SLC3A2: variants seen among roughly 807,000 people sequenced by gnomAD.
SLC3A2 encodes solute carrier family 3 member 2.
Under a neutral mutation model 48.5 loss-of-function variants are expected in SLC3A2, and 32 were observed. The ratio of observed to expected loss-of-function variants is 0.66; its 90% confidence interval spans 0.50 to 0.89. The LOEUF (loss-of-function observed/expected upper bound fraction) is 0.89. SLC3A2 is among the 40% of genes least tolerant of loss of function. SLC3A2 has a pLI of 0.00. For missense variants in SLC3A2, 587 were observed against 680.7 expected, an observed-to-expected ratio of 0.86 and a Z score of 1.53; for synonymous variants, 277 against 288.8, an observed-to-expected ratio of 0.96 and a Z score of 0.41.
chr11:62,878,472 T>TC (rs2085592439), upstream of SLC3A2, among the ~76,000 whole-genome samples: 1 of 151,556 alleles, frequency 6.6e-6, no homozygotes. Flanking sequence ...GATGATAATT[T>TC]TTTTTTTTTT....
At chr11:62,868,527 G>T (rs1266333984) in intron 1 of SLC3A2, among the ~76,000 whole-genome samples, 1 of 151,614 alleles carries the variant, frequency 6.6e-6, no homozygotes, top group East Asian at 2.0e-4. Flanking sequence ...CACCACGCCT[G>T]GCTAATTTTT....
intron 2 of SLC3A2, 181 bp from the exon 3 acceptor site, chr11:62,882,727 A>G (rs2085658608): frequency 1.7e-6 from 1 of 597,450 alleles, no homozygotes; most frequent in Non-Finnish European, 3.0e-6. Flanking sequence ...CTGCCTTCCC[A>G]TATCTTAAGG....
At chr11:62,863,732 A>C (rs1429304990) in intron 1 of SLC3A2, among the ~76,000 whole-genome samples, 2 of 152,224 alleles carry the variant, frequency 1.3e-5, no homozygotes, top group Non-Finnish European at 1.5e-5. Flanking sequence ...AGGTCTGACA[A>C]GACCCAATTC....
chr11:62,885,309 A>C lies in SLC3A2; in HGVS notation c.951A>C (p.Leu317=). 1 of 1,614,176 alleles carries C rather than the reference A, an allele frequency of 6.2e-7. No individual in the cohort carries two copies. The highest frequency in any genetic ancestry group is 2.2e-5 in the East Asian group (1 of 44,890). ...SGSTGEHTKS[L]VTQYLNATGN... ...CTACTGGGGAGCATACAAAATCCCT[A>C]GTCACACAGTATTTGAATGCCACTG... is the stretch of plus-strand genomic sequence containing the variant. The change falls in exon 6 of 9, where the codon CTA becomes CTC. Residue 317 remains leucine (L), a synonymous_variant. Transcript: ENST00000338663.
At position 62,881,118 on chromosome 11, in the gene SLC3A2, T is replaced by C. The variant is rs2085629407; in HGVS notation, c.95T>C (p.Met32Thr). Residue 32 changes from methionine to threonine, a missense_variant, in exon 1 of 9, where the codon ATG becomes ACG. By Grantham distance (81) the Met-to-Thr change is moderately conservative. Coordinates refer to ENST00000338663, the MANE Select transcript of SLC3A2 (RefSeq NM_001013251.3). The surrounding 1 kb of genome is among the most constrained non-coding windows in gnomAD (Gnocchi z 4.0). Reference sequence around the variant, plus strand: ...ATGAACGCGGCGTCTGGGGCGGCCATGTCCCTGGCGGGAGCCGAGAAGAAT... The same window carrying C: ...ATGAACGCGGCGTCTGGGGCGGCCACGTCCCTGGCGGGAGCCGAGAAGAAT... ...QPMNAASGAA[M>T]SLAGAEKNGL... is the part of the protein sequence containing the mutation. The C allele has an allele frequency of 6.2e-7, 1 of 1,608,178 alleles. No homozygotes were observed. Among genetic ancestry groups the C allele is most frequent in the Non-Finnish European group, 8.5e-7 (1 of 1,178,024 alleles).
At chr11:62,874,549 T>C (rs1370593117) in intron 1 of SLC3A2, among the ~76,000 whole-genome samples, 3 of 152,156 alleles carry the variant, frequency 2.0e-5, no homozygotes, top group African/African-American at 7.2e-5. Context: ...CCACTTTGCA[T>C]TCTTCACCCT....
At chr11:62,875,498 T>C (rs1197509346) in intron 1 of SLC3A2, among the ~76,000 whole-genome samples, 1 of 152,184 alleles carries the variant, frequency 6.6e-6, no homozygotes, top group Non-Finnish European at 1.5e-5. Flanking sequence ...ATCGCACCAC[T>C]GTACTCCAGC....
intron 7 of SLC3A2, among the ~76,000 whole-genome samples, chr11:62,887,341 C>G (rs899674947): frequency 7.9e-5 from 12 of 152,044 alleles, no homozygotes; most frequent in African/African-American, 2.4e-4. Context: ...CATCTGGGAG[C>G]TCTTGGCTGA....
At chr11:62,887,191 C>G (rs1171045808) in intron 7 of SLC3A2, among the ~76,000 whole-genome samples, 2 of 152,110 alleles carry the variant, frequency 1.3e-5, no homozygotes, top group Non-Finnish European at 2.9e-5. Context: ...AGCTGCTGAT[C>G]AGTGCTATGC....
Position 62,881,340 on chromosome 11 carries a change from C to G in SLC3A2, c.317C>G (p.Ala106Gly). The G allele has an allele frequency of 6.3e-7, 1 of 1,588,842 alleles. No homozygotes were observed. Among genetic ancestry groups the G allele is most frequent in the Non-Finnish European group, 8.5e-7 (1 of 1,172,156 alleles). Residue 106 changes from alanine (A) to glycine (G), a missense_variant, in exon 1 of 9, where the codon GCG (alanine) becomes GGG (glycine). Physicochemically the swap from Ala to Gly is moderately conservative, Grantham distance 60. This residue lies in a region of SLC3A2 where 409 missense variants were observed against 446.7 expected (regional missense o/e 0.92). Coordinates refer to ENST00000338663, the MANE Select transcript of SLC3A2 (RefSeq NM_001013251.3). The surrounding 1 kb of genome is among the most constrained non-coding windows in gnomAD (Gnocchi z 4.0). ...GGTGCCGTGGTCATAATCGTGCGAG[C>G]GCCGCGTTGTCGCGAGCTACCGGCG... ...LAGAVVIIVR[A>G]PRCRELPAQK...
At chr11:62,861,039 A>C (rs1244367385) in intron 1 of SLC3A2, among the ~76,000 whole-genome samples, 1 of 152,098 alleles carries the variant, frequency 6.6e-6, no homozygotes, top group African/African-American at 2.4e-5. Flanking sequence ...TCCTTTTTCC[A>C]CATAGACACA....
chr11:62,859,067 G>A (rs1430492280), intron 1 of SLC3A2, among the ~76,000 whole-genome samples: 7 of 150,930 alleles, frequency 4.6e-5, no homozygotes, highest in East Asian at 1.9e-4. Flanking sequence ...GACGCTTTAC[G>A]GGTGTCGGGC....
chr11:62,888,525 G>T lies in SLC3A2; in HGVS notation c.1422G>T (p.Ser474=), dbSNP rs779385454. The T allele has an allele frequency of 3.1e-6, 5 of 1,613,982 alleles. No homozygotes were observed. In the African/African-American group the frequency reaches 6.7e-5, roughly 22 times the overall value. Residue 474 remains serine, a synonymous_variant, in exon 9 of 9, where the codon TCG becomes TCT. Transcript: ENST00000338663. Reference sequence around the variant, plus strand: ...TTAACTTTGGGGATGTGGGCCTCTCGGCTGGACTGCAGGCCTCCGACCTGC... The same window carrying T: ...TTAACTTTGGGGATGTGGGCCTCTCTGCTGGACTGCAGGCCTCCGACCTGC... ...VVLNFGDVGL[S]AGLQASDLPA...
At chr11:62,857,451 G>A (rs776925177) in intron 1 of SLC3A2, among the ~76,000 whole-genome samples, 2 of 152,106 alleles carry the variant, frequency 1.3e-5, no homozygotes, top group African/African-American at 2.4e-5. Context: ...AGGCCAAGGC[G>A]GGAGGATCTC....
At position 62,882,993 on chromosome 11, in the gene SLC3A2, G is replaced by A. The variant is rs150891716; in HGVS notation, c.684G>A (p.Lys228=). 8.4e-5 allele frequency: 136 copies of A among 1,614,118 alleles called. No homozygotes were observed. The African/African-American group carries it at 1.5e-3, about 17-fold the overall frequency. Residue 228 remains lysine (K), a synonymous_variant, in exon 3 of 9, where the codon AAG becomes AAA. Transcript: ENST00000338663. ...CTCAGGTTGACACTGTGGCCACCAAGGTGAAGGTGAGTGTTGGAGCTGATG... is the reference window on the plus strand; with the variant it reads ...CTCAGGTTGACACTGTGGCCACCAAAGTGAAGGTGAGTGTTGGAGCTGATG... The part of the protein sequence containing the change: ...FSTQVDTVAT[K]VKDALEFWLQ...
chr11:62,856,358 G>A (rs780985168), exon 1 of SLC3A2: 1 of 1,612,482 alleles, frequency 6.2e-7, no homozygotes, highest in Non-Finnish European at 8.5e-7. Flanking sequence ...GGTGTCCAGG[G>A]TCTCAGCGCG....
intron 1 of SLC3A2, chr11:62,871,614 A>G (rs916291168): frequency 4.6e-6 from 3 of 659,040 alleles, no homozygotes; most frequent in African/African-American, 1.8e-5. Flanking sequence ...CTGGTCTTCA[A>G]CTCTTGGCCT....
intron 7 of SLC3A2, chr11:62,886,599 T>C (rs1317117985): frequency 6.6e-6 from 1 of 152,156 alleles, no homozygotes; most frequent in East Asian, 1.9e-4. Context: ...CTGATCTTTT[T>C]TTTTTTTGGA....
chr11:62,885,737 T>A, intron 7 of SLC3A2, 129 bp downstream of exon 7: 1 of 1,003,824 alleles, frequency 1.0e-6, no homozygotes, highest in Non-Finnish European at 1.5e-6. Flanking sequence ...AGTAGCTGAG[T>A]GGCTATGTGG....
Sources: allele counts gnomAD v4.1 joint callset (sites outside exome capture counted in the v4.1 genomes callset), GRCh38; gene constraint gnomAD v4.1.1; regional missense constraint gnomAD v4.1.1; non-coding constraint Gnocchi (gnomAD v3.1); transcripts MANE v1.5; gene names NCBI Gene and HGNC (gene_info 2026-07-23, HGNC 2026-07-21).